The following BAZ2B variants were observed in gnomAD, a reference collection of about 807,000 sequenced individuals.
BAZ2B encodes the protein bromodomain adjacent to zinc finger domain protein 2B.
A neutral mutation model predicts 246.0 loss-of-function variants in BAZ2B; 91 were observed. The ratio of observed to expected loss-of-function variants is 0.37; its 90% CI spans 0.31 to 0.44. The LOEUF (loss-of-function observed/expected upper bound fraction) is 0.44, where lower values mean the gene tolerates loss of function less well. BAZ2B is among the 20% of genes least tolerant of loss of function. The pLI is 1.00. For synonymous variants in BAZ2B, 855 were observed against 860.0 expected (o/e 0.99, Z 0.10); for missense variants, 2,332 against 2,533.7 (o/e 0.92, Z 1.71).
intron 2 of BAZ2B, among the ~76,000 whole-genome samples, chr2:159,511,738 G>T (rs1191327552): frequency 6.6e-6 from 1 of 151,706 alleles, no homozygotes; most frequent in African/African-American, 2.4e-5. Context: ...GAAATGCTCA[G>T]GAAATATAAT....
rs777991167 is a variant in BAZ2B, at chr2:159,432,938, G to A, written c.1719C>T (p.Asn573=). The part of the protein sequence containing the change: ...GKEKAVSNNV[N]PVKTQHHSHP... ...GGGAGTGATGCTGTGTTTTTACTGG[G>A]TTTACATTATTGCTAACTGCTTTTT... Residue 573 remains asparagine (N), a synonymous_variant, in exon 9 of 37, where the codon AAC becomes AAT. Coordinates refer to ENST00000392783, the MANE Select transcript of BAZ2B (RefSeq NM_013450.4). 2 of 1,613,946 alleles carry A rather than the reference G, an allele frequency of 1.2e-6. No homozygotes were observed. The highest frequency in any genetic ancestry group is 2.7e-5 in the African/African-American group (2 of 74,884).
At chr2:159,504,122 T>A (rs1457445083) in intron 2 of BAZ2B, among the ~76,000 whole-genome samples, 2 of 139,546 alleles carry the variant, frequency 1.4e-5, no homozygotes, top group Non-Finnish European at 3.1e-5. Context: ...CACTTAGGCC[T>A]CTTAATTTTT....
chr2:159,347,418 A>T, intron 31 of BAZ2B, 68 bp downstream of exon 31: 1 of 1,458,316 alleles, frequency 6.9e-7, no homozygotes, highest in Non-Finnish European at 9.6e-7. Flanking sequence ...AGCATATATT[A>T]GGCAAGTAAT....
intron 2 of BAZ2B, among the ~76,000 whole-genome samples, chr2:159,496,363 C>T (rs183080774): frequency 2.0e-3 from 213 of 106,392 alleles, no homozygotes; most frequent in African/African-American, 7.6e-3. Flanking sequence ...GGTGATAGAG[C>T]AAGACTCCAT....
chr2:159,428,454 TA>T, intron 11 of BAZ2B, 35 bp from the exon 12 acceptor site: 1 of 1,487,232 alleles, frequency 6.7e-7, no homozygotes, highest in Middle Eastern at 1.8e-4. Context: ...ATGACATACT[TA>T]ATTTCAAGAA....
At chr2:159,482,120 AAG>A (rs1244808037) in intron 2 of BAZ2B, among the ~76,000 whole-genome samples, 1 of 107,504 alleles carries the variant, frequency 9.3e-6, no homozygotes, top group African/African-American at 3.3e-5. Flanking sequence ...TCAAAATAAA[AAG>A]TAAAAAAACA....
intron 12 of BAZ2B, 113 bp downstream of exon 12, chr2:159,428,198 A>T: frequency 1.8e-6 from 2 of 1,119,180 alleles, no homozygotes; most frequent in Non-Finnish European, 2.6e-6. Context: ...AGTCCCATAC[A>T]AGAGAATATT....
chr2:159,374,539 T>C (rs1313553737), intron 26 of BAZ2B, 152 bp downstream of exon 26: 2 of 649,350 alleles, frequency 3.1e-6, no homozygotes, highest in Non-Finnish European at 5.3e-6. Flanking sequence ...CATCTTATTT[T>C]TTTTTCTGAC....
At chr2:159,486,678 A>T (rs1452992620) in intron 2 of BAZ2B, among the ~76,000 whole-genome samples, 3 of 151,746 alleles carry the variant, frequency 2.0e-5, no homozygotes, top group African/African-American at 7.2e-5. Flanking sequence ...AAAGTCTTCA[A>T]AGGAATATAT....
upstream of BAZ2B, among the ~76,000 whole-genome samples, chr2:159,618,091 G>T (rs1423743752): frequency 6.6e-6 from 1 of 152,164 alleles, no homozygotes; most frequent in African/African-American, 2.4e-5. Context: ...GAGCAGCAAA[G>T]CTGTGCTAGC....
intron 2 of BAZ2B, among the ~76,000 whole-genome samples, chr2:159,535,166 T>C (rs1030531665): frequency 7.6e-5 from 11 of 144,042 alleles, no homozygotes; most frequent in African/African-American, 2.1e-4. Context: ...ATTTTTGCTC[T>C]TTGGGAAAAA....
At chr2:159,316,642 A>C (rs1282554092), downstream of BAZ2B, among the ~76,000 whole-genome samples, 1 of 132,058 alleles carries the variant, frequency 7.6e-6, no homozygotes, top group Non-Finnish European at 1.6e-5. Flanking sequence ...GTGAGCCGAG[A>C]TTGCACCACT....
the BAZ2B span, among the ~76,000 whole-genome samples, chr2:159,653,161 G>A: frequency 2.0e-5 from 3 of 151,644 alleles, no homozygotes; most frequent in Non-Finnish European, 4.4e-5. Context: ...GGCTAGTCTT[G>A]ACTCCTGACC....
chr2:159,449,458 T>C (rs962300485), intron 4 of BAZ2B, among the ~76,000 whole-genome samples: 1 of 152,142 alleles, frequency 6.6e-6, no homozygotes, highest in African/African-American at 2.4e-5. Context: ...GTCTTTATAT[T>C]ATATAATATT....
At chr2:159,483,067 A>T (rs147320475) in intron 2 of BAZ2B, among the ~76,000 whole-genome samples, 23 of 152,282 alleles carry the variant, frequency 1.5e-4, no homozygotes, top group African/African-American at 5.3e-4. Context: ...ACCAGCCTAG[A>T]TATCACAGGA....
intron 2 of BAZ2B, among the ~76,000 whole-genome samples, chr2:159,510,326 G>A (rs2082789013): frequency 1.3e-5 from 2 of 152,070 alleles, no homozygotes; most frequent in African/African-American, 2.4e-5. Flanking sequence ...ACCATGCCCA[G>A]CTATTTTATT....
At chr2:159,321,648 G>A (rs552111211) in intron 36 of BAZ2B, among the ~76,000 whole-genome samples, 84 of 152,278 alleles carry the variant, frequency 5.5e-4, no homozygotes, top group African/African-American at 1.9e-3. Context: ...AGTGAAATAA[G>A]CCAGGCACAG....
chr2:159,534,946 G>C (rs2085785122), intron 2 of BAZ2B, among the ~76,000 whole-genome samples: 2 of 151,950 alleles, frequency 1.3e-5, no homozygotes, highest in African/African-American at 4.8e-5. Flanking sequence ...ATTTTTATAG[G>C]GAAGTAAATT....
chr2:159,436,167 AG>A (rs2072254885), intron 8 of BAZ2B, among the ~76,000 whole-genome samples: 1 of 152,130 alleles, frequency 6.6e-6, no homozygotes, highest in African/African-American at 2.4e-5. Context: ...TTTTATAGGT[AG>A]TAAGTTTTCC....
Sources: gnomAD v4.1 joint callset for allele counts (sites outside exome capture counted in the v4.1 genomes callset) on GRCh38, gnomAD v4.1.1 for gene constraint, MANE v1.5 for transcripts, NCBI Gene and HGNC (gene_info 2026-07-23, HGNC 2026-07-21) for gene names.